The following NAA11 variants were observed in gnomAD, a reference collection of about 807,000 sequenced individuals.
The protein encoded by NAA11 is N-alpha-acetyltransferase 11, NatA catalytic subunit.
A neutral mutation model predicts 16.1 loss-of-function variants in NAA11; 15 were observed. The observed-to-expected ratio is 0.93, with a 90% confidence interval of 0.62 to 1.44. NAA11 has a LOEUF of 1.44. NAA11 is among the 40% of genes most tolerant of loss of function. The pLI is 0.00. For missense variants in NAA11, 298 were observed against 291.3 expected (o/e 1.02, Z -0.17); for synonymous variants, 122 against 112.4 (o/e 1.09, Z -0.54).
chr4:79,280,904 A>G (rs1365980848), intron 2 of NAA11, among the ~76,000 whole-genome samples: 2 of 152,084 alleles, frequency 1.3e-5, no homozygotes, highest in Non-Finnish European at 2.9e-5. Context: ...TGAAGCCTCA[A>G]TTTTGGGGGC....
intron 1 of NAA11, among the ~76,000 whole-genome samples, chr4:79,320,658 G>A (rs1340759171): frequency 6.6e-6 from 1 of 152,188 alleles, no homozygotes; most frequent in Non-Finnish European, 1.5e-5. Flanking sequence ...TTTTCATAGT[G>A]TGAAGAGCAA....
the NAA11 span, among the ~76,000 whole-genome samples, chr4:79,204,928 T>TACAC: frequency 0.047 from 6,904 of 147,838 alleles, 476 homozygotes; most frequent in African/African-American, 0.14. Context: ...ATGGTGTGTA[T>TACAC]ACACACACAC....
the NAA11 span, among the ~76,000 whole-genome samples, chr4:79,209,051 A>T: frequency 2.0e-5 from 3 of 151,748 alleles, no homozygotes; most frequent in Non-Finnish European, 4.4e-5. Context: ...GGGATTATGT[A>T]CTAAACTTAC....
chr4:79,182,399 C>T, the NAA11 span, among the ~76,000 whole-genome samples: 1 of 152,242 alleles, frequency 6.6e-6, no homozygotes, highest in African/African-American at 2.4e-5. Flanking sequence ...AGCACAAGAG[C>T]AATGACTAAG....
At chr4:79,282,790 C>T (rs1426903550) in intron 2 of NAA11, among the ~76,000 whole-genome samples, 1 of 152,048 alleles carries the variant, frequency 6.6e-6, no homozygotes, top group Non-Finnish European at 1.5e-5. Flanking sequence ...AATTTCAGAT[C>T]ACTGGAAATA....
intron 2 of NAA11, among the ~76,000 whole-genome samples, chr4:79,286,678 T>A (rs577871403): frequency 6.6e-6 from 1 of 152,184 alleles, no homozygotes; most frequent in African/African-American, 2.4e-5. Flanking sequence ...AATAAGGGAT[T>A]TGTACTATAA....
chr4:79,249,443 A>G (rs1721940121), intron 2 of NAA11, among the ~76,000 whole-genome samples: 1 of 152,238 alleles, frequency 6.6e-6, no homozygotes. Flanking sequence ...ATAGATTTAA[A>G]ACTCACTTTG....
At chr4:79,179,244 C>A in the NAA11 span, among the ~76,000 whole-genome samples, 1 of 152,026 alleles carries the variant, frequency 6.6e-6, no homozygotes, top group Non-Finnish European at 1.5e-5. Flanking sequence ...AATTTTGGTA[C>A]AGAAGTAGCA....
At chr4:79,273,429 T>C (rs1045409988) in intron 2 of NAA11, among the ~76,000 whole-genome samples, 1 of 152,034 alleles carries the variant, frequency 6.6e-6, no homozygotes, top group Non-Finnish European at 1.5e-5. Flanking sequence ...GAAAGTTGTA[T>C]TAGATTCTGA....
At chr4:79,221,162 G>T (rs937783614), downstream of NAA11, among the ~76,000 whole-genome samples, 11 of 151,904 alleles carry the variant, frequency 7.2e-5, no homozygotes, top group Admixed American at 2.0e-4. Flanking sequence ...CACTCATGAT[G>T]TGGCTCTCTG....
the NAA11 span, among the ~76,000 whole-genome samples, chr4:79,203,968 A>G: frequency 2.0e-5 from 3 of 151,876 alleles, no homozygotes; most frequent in African/African-American, 7.2e-5. Context: ...CAAATGGAAA[A>G]TGTTTGCATA....
At chr4:79,289,284 G>T (rs1324482729) in intron 2 of NAA11, among the ~76,000 whole-genome samples, 1 of 152,184 alleles carries the variant, frequency 6.6e-6, no homozygotes, top group Non-Finnish European at 1.5e-5. Flanking sequence ...CTGATATCAT[G>T]TCATAAGTAA....
chr4:79,162,613 T>C, the NAA11 span, among the ~76,000 whole-genome samples: 1 of 152,218 alleles, frequency 6.6e-6, no homozygotes, highest in Non-Finnish European at 1.5e-5. Context: ...AATCCTTTAG[T>C]CACAGTCTAT....
intron 2 of NAA11, among the ~76,000 whole-genome samples, chr4:79,233,458 CT>C (rs1721508288): frequency 6.6e-6 from 1 of 151,932 alleles, no homozygotes; most frequent in South Asian, 2.1e-4. Flanking sequence ...TTGACAACCA[CT>C]CATTCCCATT....
chr4:79,309,800 C>G (rs1049564144), intron 1 of NAA11, among the ~76,000 whole-genome samples: 3 of 144,790 alleles, frequency 2.1e-5, no homozygotes, highest in Non-Finnish European at 3.0e-5. Flanking sequence ...ACTGCAACCT[C>G]CATCTCCCGG....
the NAA11 span, among the ~76,000 whole-genome samples, chr4:79,161,810 G>C: frequency 6.6e-6 from 1 of 152,126 alleles, no homozygotes; most frequent in Non-Finnish European, 1.5e-5. Flanking sequence ...AGACTCCTGA[G>C]TAGCTGGGAC....
At position 79,303,071 on chromosome 4, in the gene NAA11, GCCTTTT is replaced by G. The variant is rs1274687690; in HGVS notation, c.*13-8963_*13-8958del. On this transcript the variant is annotated intron_variant and NMD_transcript_variant, in intron 1 of 2. Transcript: ENST00000511542. ...CCCTTTTCATTCCTGTTCTCTTGAGGCCTTTTATATATATATATATATATATATATA... is the reference window on the plus strand; with the variant it reads ...CCCTTTTCATTCCTGTTCTCTTGAGGATATATATATATATATATATATATA... 8.3e-3 allele frequency among the ~76,000 whole-genome samples: 713 copies of G among 86,386 alleles called. 16 individuals carry two copies. The highest frequency in any genetic ancestry group is 0.033 in the African/African-American group (678 of 20,608). The allele number at this position is 86,386 out of a possible 152,430, so 56.7% of individuals were successfully genotyped here. A position where few individuals can be genotyped will look rare whatever the true frequency, so the allele number is the denominator to read the frequency against.
the NAA11 span, among the ~76,000 whole-genome samples, chr4:79,173,785 T>C: frequency 6.6e-6 from 1 of 152,024 alleles, no homozygotes; most frequent in Non-Finnish European, 1.5e-5. Context: ...GAGAAGACAA[T>C]GTTAGCTTTA....
intron 2 of NAA11, among the ~76,000 whole-genome samples, chr4:79,240,808 T>C (rs1245395918): frequency 2.0e-5 from 3 of 152,144 alleles, no homozygotes; most frequent in Non-Finnish European, 4.4e-5. Flanking sequence ...GTTTGAAATA[T>C]GGTAGATTCT....
Sources: allele counts gnomAD v4.1 joint callset (sites outside exome capture counted in the v4.1 genomes callset), GRCh38; gene constraint gnomAD v4.1.1; transcripts MANE v1.5; gene names NCBI Gene and HGNC (gene_info 2026-07-23, HGNC 2026-07-21).